OCA2: variants seen among roughly 807,000 people sequenced by gnomAD.
OCA2 encodes the protein OCA2 melanosomal transmembrane protein, also known as P protein.
In OCA2, 77 loss-of-function variants were observed where a neutral mutation model predicts 100.2. That is an observed-to-expected ratio of 0.77 (90% confidence interval 0.64 to 0.93). The LOEUF is 0.93. Among genes scored for constraint, OCA2 ranks in the 40% least tolerant of loss-of-function variants. The pLI is 0.00. For synonymous variants in OCA2, 432 were observed against 439.2 expected (o/e 0.98, Z 0.21); for missense variants, 1,062 against 1,089.1 (o/e 0.98, Z 0.35).
chr15:27,951,754 G>T, intron 18 of OCA2, 30 bp downstream of exon 18: 3 of 1,432,194 alleles, frequency 2.1e-6, no homozygotes, highest in Non-Finnish European at 3.0e-6. Flanking sequence ...ATGTGACAAA[G>T]CCTATGAACC....
chr15:27,832,972 C>A (rs1333682662), intron 23 of OCA2, among the ~76,000 whole-genome samples: 2 of 150,666 alleles, frequency 1.3e-5, no homozygotes, highest in Non-Finnish European at 2.9e-5. Context: ...TGCCACCACG[C>A]CCAGCTGATT....
intron 4 of OCA2, among the ~76,000 whole-genome samples, chr15:28,025,755 C>T (rs2042730398): frequency 6.6e-6 from 1 of 152,210 alleles, no homozygotes; most frequent in Non-Finnish European, 1.5e-5. Context: ...TTTGCTTTGT[C>T]CCCACACATG....
intron 18 of OCA2, among the ~76,000 whole-genome samples, chr15:27,929,186 CA>C (rs1174260985): frequency 3.3e-5 from 5 of 151,932 alleles, no homozygotes; most frequent in African/African-American, 1.2e-4. Flanking sequence ...CTAGAATAAC[CA>C]ATGCAACTTT....
intron 18 of OCA2, among the ~76,000 whole-genome samples, chr15:27,940,815 A>T (rs1183868037): frequency 6.6e-6 from 1 of 152,234 alleles, no homozygotes; most frequent in Non-Finnish European, 1.5e-5. Context: ...CATCATAAAC[A>T]TCACCGAAAA....
At chr15:27,914,359 C>T (rs891883741) in intron 19 of OCA2, among the ~76,000 whole-genome samples, 2 of 152,116 alleles carry the variant, frequency 1.3e-5, no homozygotes, top group Non-Finnish European at 2.9e-5. Context: ...AAGTCCTAGC[C>T]AGAGCAATCA....
At chr15:27,849,734 G>A (rs527653276) in intron 22 of OCA2, among the ~76,000 whole-genome samples, 2 of 152,272 alleles carry the variant, frequency 1.3e-5, no homozygotes, top group Admixed American at 6.5e-5. Flanking sequence ...GCAGATGGAC[G>A]GTGGTGACGG....
At chr15:27,979,103 C>T (rs935218495) in intron 14 of OCA2, among the ~76,000 whole-genome samples, 2 of 152,204 alleles carry the variant, frequency 1.3e-5, no homozygotes, top group Non-Finnish European at 2.9e-5. Flanking sequence ...AGCATCTCAA[C>T]TTTGATGTAA....
intron 14 of OCA2, among the ~76,000 whole-genome samples, chr15:27,971,264 G>C (rs2040779939): frequency 6.6e-6 from 1 of 152,142 alleles, no homozygotes; most frequent in African/African-American, 2.4e-5. Context: ...ACACAACGTG[G>C]GGCATGAAGG....
At chr15:27,750,203 T>C (rs1161090851), downstream of OCA2, among the ~76,000 whole-genome samples, 3 of 152,210 alleles carry the variant, frequency 2.0e-5, no homozygotes, top group Non-Finnish European at 2.9e-5. Flanking sequence ...CCAGGGCTCT[T>C]ACAAGATACT....
At chr15:27,829,279 T>TGATA (rs56223349) in intron 23 of OCA2, among the ~76,000 whole-genome samples, 4,505 of 107,568 alleles carry the variant, frequency 0.042, 98 homozygotes, top group Middle Eastern at 0.14. Flanking sequence ...AGAAGATAGA[T>TGATA]GATAGATAGA....
chr15:27,726,814 A>C, the OCA2 span, among the ~76,000 whole-genome samples: 14 of 152,376 alleles, frequency 9.2e-5, 1 homozygote, highest in East Asian at 9.6e-4. Flanking sequence ...CTTCCAGAAA[A>C]TTGCATGAAG....
intron 23 of OCA2, among the ~76,000 whole-genome samples, chr15:27,785,492 A>G (rs1459085048): frequency 1.3e-5 from 2 of 152,230 alleles, no homozygotes; most frequent in Non-Finnish European, 2.9e-5. Flanking sequence ...ACTCAATATT[A>G]CTAATCATTA....
Position 27,805,810 on chromosome 15 carries a change from G to A in OCA2, c.2432+39149C>T, listed in dbSNP as rs573030500. On this transcript the variant is annotated intron_variant, in intron 23 of 23. Transcript: ENST00000354638. Reference sequence around the variant, plus strand: ...GTAATGGAGGCTTCGGGAGTGTCCAGGAGACCCAGGCGGCGGGAACAGCCA... The same window carrying A: ...GTAATGGAGGCTTCGGGAGTGTCCAAGAGACCCAGGCGGCGGGAACAGCCA... Among the ~76,000 whole-genome samples the A allele has an allele frequency of 3.3e-5, 5 of 152,250 alleles. No individual in the cohort carries two copies. The East Asian group carries it at 5.8e-4, about 18-fold the overall frequency.
intron 18 of OCA2, among the ~76,000 whole-genome samples, chr15:27,936,954 A>G (rs2039475413): frequency 6.6e-6 from 1 of 152,220 alleles, no homozygotes; most frequent in Non-Finnish European, 1.5e-5. Context: ...TGCCTCAAAT[A>G]AAGATTTCCA....
intron 23 of OCA2, among the ~76,000 whole-genome samples, chr15:27,818,561 C>T (rs2034394088): frequency 6.6e-6 from 1 of 152,080 alleles, no homozygotes; most frequent in Non-Finnish European, 1.5e-5. Context: ...TGAGAGGCTT[C>T]TGAACATGGG....
At chr15:28,071,684 A>G (rs1243471795) in intron 2 of OCA2, among the ~76,000 whole-genome samples, 1 of 152,236 alleles carries the variant, frequency 6.6e-6, no homozygotes, top group Non-Finnish European at 1.5e-5. Flanking sequence ...CTCCCTATTC[A>G]ATAAATGGTG....
intron 23 of OCA2, among the ~76,000 whole-genome samples, chr15:27,782,366 T>C (rs770976433): frequency 1.3e-5 from 2 of 152,104 alleles, no homozygotes; most frequent in Non-Finnish European, 1.5e-5. Flanking sequence ...AAATGTGGAG[T>C]GTCTCCCAAC....
rs1044742906 is a variant in OCA2, at chr15:27,814,141, T to A, written c.2432+30818A>T. On this transcript the variant is annotated intron_variant, in intron 23 of 23. Coordinates refer to ENST00000354638, the MANE Select transcript of OCA2 (RefSeq NM_000275.3). ...CCCTCCTGATCAATGAGAAATGAGG[T>A]CTGATTTCTATTTAACTATGTATTT... is the stretch of plus-strand genomic sequence containing the variant. Among the ~76,000 whole-genome samples, 10 of 152,094 alleles carry A rather than the reference T, an allele frequency of 6.6e-5. No individual in the cohort carries two copies. The East Asian group carries it at 1.9e-3, about 29-fold the overall frequency.
chr15:27,896,943 C>T (rs957048202), intron 19 of OCA2, among the ~76,000 whole-genome samples: 28 of 152,146 alleles, frequency 1.8e-4, no homozygotes, highest in South Asian at 6.2e-4. Flanking sequence ...ATAATCCCAG[C>T]ACTCTGGGGG....
Sources: allele counts gnomAD v4.1 joint callset (sites outside exome capture counted in the v4.1 genomes callset), GRCh38; gene constraint gnomAD v4.1.1; transcripts MANE v1.5; gene names NCBI Gene and HGNC (gene_info 2026-07-23, HGNC 2026-07-21).